Variants in CNTN3 observed in about 807,000 individuals in gnomAD.
CNTN3 encodes the protein contactin 3.
A neutral mutation model predicts 119.1 loss-of-function variants in CNTN3; 60 were observed. The ratio of observed to expected loss-of-function variants is 0.50; its 90% CI spans 0.41 to 0.62. CNTN3 has a LOEUF of 0.62. Ranked by LOEUF, CNTN3 falls within the 20% of genes least tolerant of loss-of-function variation. CNTN3 has a pLI of 0.00. For synonymous variants in CNTN3, 450 were observed against 438.7 expected, an observed-to-expected ratio of 1.03 and a Z score of -0.32; for missense variants, 1,101 against 1,242.4, an observed-to-expected ratio of 0.89 and a Z score of 1.71.
intron 20 of CNTN3, among the ~76,000 whole-genome samples, chr3:74,271,922 CT>C (rs1701786018): frequency 6.6e-6 from 1 of 152,178 alleles, no homozygotes; most frequent in African/African-American, 2.4e-5. Context: ...AAATCATCTA[CT>C]TTTTAACTCG....
intron 11 of CNTN3, among the ~76,000 whole-genome samples, chr3:74,341,244 G>A (rs1416089190): frequency 6.6e-6 from 1 of 152,146 alleles, no homozygotes; most frequent in Admixed American, 6.5e-5. Flanking sequence ...AATGAATGGA[G>A]TAATTGTTTC....
intron 4 of CNTN3, among the ~76,000 whole-genome samples, chr3:74,442,414 A>T (rs186365365): frequency 1.4e-4 from 22 of 152,198 alleles, no homozygotes; most frequent in Admixed American, 1.2e-3. Context: ...TATTTTATTC[A>T]CACTTTAAAA....
chr3:74,323,332 G>T (rs546168522), intron 13 of CNTN3, among the ~76,000 whole-genome samples: 1 of 152,108 alleles, frequency 6.6e-6, no homozygotes, highest in South Asian at 2.1e-4. Context: ...TTTTTAAAAG[G>T]GGTCCATCTC....
intron 13 of CNTN3, among the ~76,000 whole-genome samples, chr3:74,322,797 G>T (rs568061016): frequency 3.9e-5 from 6 of 152,268 alleles, no homozygotes; most frequent in Admixed American, 2.6e-4. Flanking sequence ...CAGATACTGG[G>T]ATATTATTCA....
At chr3:74,480,514 A>T (rs11918806) in intron 4 of CNTN3, among the ~76,000 whole-genome samples, 54,923 of 151,820 alleles carry the variant, frequency 0.36, 12,093 homozygotes, top group Non-Finnish European at 0.5. Flanking sequence ...AAAAATCAGT[A>T]AGCGGCAATA....
chr3:74,301,269 T>C (rs539928434), intron 16 of CNTN3, 129 bp downstream of exon 16: 7 of 935,900 alleles, frequency 7.5e-6, no homozygotes, highest in African/African-American at 1.7e-5. Flanking sequence ...GTTCTGCCAT[T>C]AGAAAGGTTA....
rs986834496 is a variant in CNTN3 at position 74,263,509 on chromosome 3, C to G, written c.*892G>C. On this transcript the variant is annotated 3_prime_UTR_variant, in exon 23 of 23. Coordinates refer to ENST00000263665, the MANE Select transcript of CNTN3 (RefSeq NM_020872.3). ...TTCATAGCTGTGAAGGAAACAATTC[C>G]TTTTTTAATTTAAAAAAACTTTTTT... 3 of 151,448 alleles carry G rather than the reference C, an allele frequency of 2.0e-5. No homozygotes were observed. The highest frequency in any genetic ancestry group is 7.3e-5 in the African/African-American group (3 of 41,216). 9.4% of individuals were successfully genotyped at this position (151,448 alleles called of 1,614,324 possible).
intron 1 of CNTN3, among the ~76,000 whole-genome samples, chr3:74,605,327 ATGT>A (rs1325879379): frequency 2.0e-5 from 3 of 152,144 alleles, no homozygotes; most frequent in African/African-American, 7.2e-5. Context: ...GTGATATAAT[ATGT>A]TATTTAGCTC....
intron 13 of CNTN3, among the ~76,000 whole-genome samples, chr3:74,305,920 G>T (rs913294270): frequency 1.3e-5 from 2 of 151,722 alleles, no homozygotes; most frequent in Non-Finnish European, 2.9e-5. Context: ...TTTCAATAGG[G>T]TCATAGATGG....
intron 20 of CNTN3, among the ~76,000 whole-genome samples, chr3:74,270,088 A>T (rs72890571): frequency 6.6e-6 from 1 of 152,332 alleles, no homozygotes; most frequent in South Asian, 2.1e-4. Flanking sequence ...TGTGGATTCA[A>T]ACCAGCTCTG....
chr3:74,531,805 T>C (rs991928981), intron 1 of CNTN3, among the ~76,000 whole-genome samples: 12 of 151,854 alleles, frequency 7.9e-5, no homozygotes, highest in African/African-American at 2.7e-4. Flanking sequence ...TTCAAACAGA[T>C]AGATGTCCTG....
Position 74,514,962 on chromosome 3 carries a change from G to A in CNTN3, c.55+6096C>T, listed in dbSNP as rs1298069039. Among the ~76,000 whole-genome samples the A allele has an allele frequency of 2.0e-5, 3 of 152,166 alleles. 1 individual carries two copies. The highest frequency in any genetic ancestry group is 4.1e-4 in the South Asian group (2 of 4,828). On this transcript the variant is annotated intron_variant, in intron 2 of 22. Coordinates refer to ENST00000263665, the MANE Select transcript of CNTN3 (RefSeq NM_020872.3). ...TGCAACCATTTTTCGAGTTAGAATT[G>A]TGCCTCAAAAGTAATACAGAATGTA... is the stretch of plus-strand genomic sequence containing the variant.
At chr3:74,289,692 A>C (rs1338901974) in intron 19 of CNTN3, among the ~76,000 whole-genome samples, 1 of 152,176 alleles carries the variant, frequency 6.6e-6, no homozygotes, top group African/African-American at 2.4e-5. Context: ...AGTTATTATT[A>C]TCTCTATTTT....
chr3:74,594,807 T>C (rs1704770566), intron 1 of CNTN3, among the ~76,000 whole-genome samples: 2 of 151,980 alleles, frequency 1.3e-5, no homozygotes, highest in African/African-American at 2.4e-5. Context: ...TTTGGGTATA[T>C]ACCCAGTAAT....
At chr3:74,397,708 C>T (rs145129370) in intron 5 of CNTN3, among the ~76,000 whole-genome samples, 71 of 152,234 alleles carry the variant, frequency 4.7e-4, no homozygotes, top group African/African-American at 1.6e-3. Flanking sequence ...ATGGTGATTC[C>T]TCTGATTGAT....
intron 4 of CNTN3, among the ~76,000 whole-genome samples, chr3:74,435,654 T>C (rs575161135): frequency 6.6e-6 from 1 of 152,320 alleles, no homozygotes; most frequent in South Asian, 2.1e-4. Context: ...CTAGACACTG[T>C]GATAGAGATT....
At chr3:74,335,366 T>C (rs767880752) in intron 12 of CNTN3, among the ~76,000 whole-genome samples, 17 of 152,120 alleles carry the variant, frequency 1.1e-4, no homozygotes, top group Non-Finnish European at 1.9e-4. Context: ...GATGCTAGAA[T>C]AGGTACAAAA....
chr3:74,434,347 G>C (rs1041918589), intron 4 of CNTN3, among the ~76,000 whole-genome samples: 1 of 152,080 alleles, frequency 6.6e-6, no homozygotes, highest in Non-Finnish European at 1.5e-5. Context: ...TTTTCCTTTT[G>C]AGTCTCTGGT....
chr3:74,604,714 A>G (rs11917707), intron 1 of CNTN3, among the ~76,000 whole-genome samples: 35,667 of 152,010 alleles, frequency 0.23, 6,907 homozygotes, highest in African/African-American at 0.52. Context: ...AATGTCAATT[A>G]CTGTAACCAT....
Sources: allele counts gnomAD v4.1 joint callset (sites outside exome capture counted in the v4.1 genomes callset), GRCh38; gene constraint gnomAD v4.1.1; transcripts MANE v1.5; gene names NCBI Gene and HGNC (gene_info 2026-07-23, HGNC 2026-07-21).